USP25: variants seen among roughly 807,000 people sequenced by gnomAD.
USP25 encodes the protein ubiquitin carboxyl-terminal hydrolase 25.
In USP25, 85 loss-of-function variants were observed where a neutral mutation model predicts 158.5. The ratio of observed to expected loss-of-function variants is 0.54; its 90% CI spans 0.45 to 0.64. The LOEUF is 0.64. Among genes scored for constraint, USP25 ranks in the 30% least tolerant of loss-of-function variants. USP25 has a pLI of 0.00. For missense variants in USP25, 1,242 were observed against 1,327.3 expected (o/e 0.94, Z 1.00); for synonymous variants, 464 against 460.4 (o/e 1.01, Z -0.10).
chr21:15,827,228 T>A, intron 14 of USP25, 25 bp downstream of exon 14: 1 of 1,569,458 alleles, frequency 6.4e-7, no homozygotes. Flanking sequence ...ATAGCATGGT[T>A]ACTGTCACCT....
chr21:15,799,821 A>G lies in USP25; in HGVS notation c.620A>G (p.Gln207Arg). Residue 207 changes from glutamine (Q) to arginine (R), a missense_variant, in exon 6 of 26, where the codon CAA becomes CGA. This residue lies in a region of USP25 where 627 missense variants were observed against 701.4 expected (regional missense o/e 0.89). Coordinates refer to ENST00000400183, the MANE Select transcript of USP25 (RefSeq NM_001283041.3). Reference sequence around the variant, plus strand: ...AATTACAAGCCTCCATCAAATGCTCAAGATTTACCCCGAAACCAAAAGGTA... The same window carrying G: ...AATTACAAGCCTCCATCAAATGCTCGAGATTTACCCCGAAACCAAAAGGTA... ...VLNYKPPSNAQDLPRNQKEHR... is the reference protein window; with the variant it reads ...VLNYKPPSNARDLPRNQKEHR... 6.2e-7 allele frequency: 1 copy of G among 1,604,078 alleles called. No individual in the cohort carries two copies. Among genetic ancestry groups the G allele is most frequent in the Non-Finnish European group, 8.5e-7 (1 of 1,174,004 alleles).
chr21:15,750,668 G>A (rs1430076957), intron 1 of USP25, among the ~76,000 whole-genome samples: 1 of 151,682 alleles, frequency 6.6e-6, no homozygotes, highest in East Asian at 2.0e-4. Context: ...GTGCCGTGGC[G>A]TGATCACGGC....
intron 4 of USP25, among the ~76,000 whole-genome samples, chr21:15,784,937 C>T (rs187574722): frequency 5.4e-4 from 82 of 150,958 alleles, no homozygotes; most frequent in African/African-American, 2.0e-3. Flanking sequence ...GGATTAAATT[C>T]CCCAATTAAA....
intron 14 of USP25, 69 bp from the exon 15 acceptor site, chr21:15,830,462 C>T: frequency 7.3e-7 from 1 of 1,362,248 alleles, no homozygotes; most frequent in Non-Finnish European, 1.0e-6. Context: ...GTAGGAAAAA[C>T]ATTAGTCCTT....
intron 3 of USP25, among the ~76,000 whole-genome samples, chr21:15,775,034 A>G (rs2034558004): frequency 6.6e-6 from 1 of 152,204 alleles, no homozygotes; most frequent in Admixed American, 6.5e-5. Context: ...AAGAACTGCT[A>G]GTAAGGCAGA....
chr21:15,737,894 T>C (rs2031675713), intron 1 of USP25, among the ~76,000 whole-genome samples: 1 of 152,028 alleles, frequency 6.6e-6, no homozygotes, highest in Admixed American at 6.6e-5. Flanking sequence ...GTTGGGTAAA[T>C]ATCCGAAATT....
chr21:15,794,598 T>A (rs2035765868), intron 5 of USP25, among the ~76,000 whole-genome samples: 1 of 151,592 alleles, frequency 6.6e-6, no homozygotes, highest in East Asian at 1.9e-4. Context: ...TCCATTTGGA[T>A]GCCGAGAAGT....
At chr21:15,847,628 T>C (rs2038684585) in intron 18 of USP25, 35 bp from the exon 19 acceptor site, 1 of 1,438,526 alleles carries the variant, frequency 7.0e-7, no homozygotes, top group Middle Eastern at 1.8e-4. Flanking sequence ...ACTGTTCTCT[T>C]TTCTAATGTT....
At chr21:15,821,462 A>G (rs2037232379) in intron 10 of USP25, among the ~76,000 whole-genome samples, 2 of 151,982 alleles carry the variant, frequency 1.3e-5, no homozygotes, top group Admixed American at 6.6e-5. Context: ...GGGCATACTC[A>G]TTTAGATGTG....
intron 9 of USP25, among the ~76,000 whole-genome samples, chr21:15,812,836 C>T (rs2036740049): frequency 6.6e-6 from 1 of 152,054 alleles, no homozygotes; most frequent in South Asian, 2.1e-4. Context: ...CATAGATCTT[C>T]CTAATACTTT....
chr21:15,758,748 A>G (rs1169649906), intron 1 of USP25, among the ~76,000 whole-genome samples: 2 of 152,178 alleles, frequency 1.3e-5, no homozygotes, highest in African/African-American at 4.8e-5. Flanking sequence ...GCAACGGTGC[A>G]TCTTACATGG....
chr21:15,878,068 G>C, intron 25 of USP25, 77 bp downstream of exon 25: 1 of 1,228,196 alleles, frequency 8.1e-7, no homozygotes, highest in Non-Finnish European at 1.1e-6. Flanking sequence ...ATTTATTCTT[G>C]CCATTTTTTA....
At chr21:15,848,109 T>A (rs1018631281) in intron 19 of USP25, among the ~76,000 whole-genome samples, 5 of 152,182 alleles carry the variant, frequency 3.3e-5, no homozygotes, top group African/African-American at 1.2e-4. Flanking sequence ...TAAAAATAAT[T>A]TTTTATATTC....
intron 17 of USP25, among the ~76,000 whole-genome samples, chr21:15,837,750 G>A (rs1206078211): frequency 1.3e-5 from 2 of 152,166 alleles, no homozygotes; most frequent in East Asian, 3.8e-4. Flanking sequence ...GAAGTGTATT[G>A]CGTAAGGTTT....
intron 22 of USP25, among the ~76,000 whole-genome samples, chr21:15,866,857 T>C (rs1190029138): frequency 6.6e-6 from 1 of 152,160 alleles, no homozygotes; most frequent in Non-Finnish European, 1.5e-5. Context: ...TGAAGTAACC[T>C]GCCTAAGGTT....
chr21:15,866,795 AG>A (rs1487589835), intron 22 of USP25, among the ~76,000 whole-genome samples: 1 of 152,148 alleles, frequency 6.6e-6, no homozygotes, highest in Non-Finnish European at 1.5e-5. Context: ...ACTGTAAGAT[AG>A]GTAGTGTTCT....
At chr21:15,844,006 C>A (rs955025285) in intron 18 of USP25, among the ~76,000 whole-genome samples, 1 of 152,034 alleles carries the variant, frequency 6.6e-6, no homozygotes, top group African/African-American at 2.4e-5. Flanking sequence ...ATATGGATAT[C>A]GTCTTATAAG....
chr21:15,764,446 C>G lies in USP25; in HGVS notation c.123+1478C>G, dbSNP rs184118565. 2.1e-4 allele frequency among the ~76,000 whole-genome samples: 32 copies of G among 151,646 alleles called. No homozygotes were observed. In the East Asian group the frequency reaches 5.1e-3, roughly 24 times the overall value. The stretch of plus-strand genomic sequence containing the variant: ...AAATTTTTGTTTCAGTTACCAGTAG[C>G]TAGGGGAAAAGAGTGTATTTAAACC... On this transcript the variant is annotated intron_variant, in intron 2 of 25. Transcript: ENST00000400183.
At chr21:15,775,750 C>CCCCCCCCCCCCCCCCCCCCCCCCCCCT (rs2034615840) in intron 3 of USP25, among the ~76,000 whole-genome samples, 1 of 67,126 alleles carries the variant, frequency 1.5e-5, no homozygotes, top group Admixed American at 1.2e-4. Context: ...CCCCCCCCCC[C>CCCCCCCCCCCCCCCCCCCCCCCCCCCT]CCCCGCCCCC....
Sources: gnomAD v4.1 joint callset for allele counts (sites outside exome capture counted in the v4.1 genomes callset) on GRCh38, gnomAD v4.1.1 for gene constraint, gnomAD v4.1.1 regional missense constraint, MANE v1.5 for transcripts, NCBI Gene and HGNC (gene_info 2026-07-23, HGNC 2026-07-21) for gene names.